The following TAC3 variants were observed in gnomAD, a reference collection of about 807,000 sequenced individuals.
TAC3 encodes tachykinin precursor 3.
TAC3 carries 9 observed loss-of-function variants against 16.5 expected under a neutral mutation model. That is an observed-to-expected ratio of 0.55 (90% confidence interval 0.33 to 0.95). The LOEUF is 0.95. Ranked by LOEUF, TAC3 falls within the 40% of genes least tolerant of loss-of-function variation. TAC3 has a pLI of 0.03. For missense variants in TAC3, 129 were observed against 149.1 expected, an observed-to-expected ratio of 0.87 and a Z score of 0.70; for synonymous variants, 52 against 56.7, an observed-to-expected ratio of 0.92 and a Z score of 0.37.
At position 57,012,864 on chromosome 12, in the gene TAC3, C is replaced by A; in HGVS notation, c.250G>T (p.Asp84Tyr). Residue 84 changes from aspartate (D) to tyrosine (Y), a missense_variant, in exon 5 of 7, where the codon GAC becomes TAC. Asp to Tyr is a radical substitution (Grantham distance 160). Coordinates refer to ENST00000458521, the MANE Select transcript of TAC3 (RefSeq NM_013251.4). Reference sequence around the variant, plus strand: ...TTGCCCATAAGTCCCACAAAGAAGTCATGCATGTCACCTGCAGAAAAGGGC... The same window carrying A: ...TTGCCCATAAGTCCCACAAAGAAGTAATGCATGTCACCTGCAGAAAAGGGC... ...STSPEKRDMH[D>Y]FFVGLMGKRS... The A allele has an allele frequency of 6.2e-7, 1 of 1,614,174 alleles. No individual in the cohort carries two copies. The highest frequency in any genetic ancestry group is 1.1e-5 in the South Asian group (1 of 91,068).
chr12:57,013,508 A>T, intron 3 of TAC3, 70 bp downstream of exon 3: 1 of 1,592,774 alleles, frequency 6.3e-7, no homozygotes, highest in Middle Eastern at 1.7e-4. Context: ...CCCATCTGAA[A>T]GGATCTCCCA....
chr12:57,012,659 T>C (rs746394113), intron 5 of TAC3, 163 bp downstream of exon 5: 1 of 1,613,074 alleles, frequency 6.2e-7, no homozygotes, highest in Non-Finnish European at 8.5e-7. Flanking sequence ...CAGGGAAGAC[T>C]TTCCTGTGGA....
Position 57,013,588 on chromosome 12 carries a change from C to G in TAC3, c.198G>C (p.Gln66His). 6.2e-7 allele frequency: 1 copy of G among 1,613,514 alleles called. No homozygotes were observed. Among genetic ancestry groups the G allele is most frequent in the South Asian group, 1.1e-5 (1 of 90,908 alleles). ...SLEGLLKALS[Q>H]ASTDPKESTS... ...AGGGCCGCCTCCTACCTGTGCTAGC[C>G]TGGCTCAGGGCTTTGAGCAATCCCT... Residue 66 changes from glutamine (Q) to histidine (H), a missense_variant, in exon 3 of 7, where the codon CAG becomes CAC. Physicochemically the swap from Gln to His is conservative, Grantham distance 24. Coordinates refer to ENST00000458521, the MANE Select transcript of TAC3 (RefSeq NM_013251.4).
At chr12:57,012,717 A>C (rs1311618760) in intron 5 of TAC3, 105 bp downstream of exon 5, 5 of 1,613,336 alleles carry the variant, frequency 3.1e-6, no homozygotes, top group Non-Finnish European at 4.2e-6. Flanking sequence ...ACTGAAGGTA[A>C]GAAAGGTCCT....
chr12:57,014,978 C>G (rs906976043), intron 2 of TAC3, among the ~76,000 whole-genome samples: 2 of 152,174 alleles, frequency 1.3e-5, no homozygotes, highest in Admixed American at 1.3e-4. Context: ...ATTTCAAAAC[C>G]TTGAAAAGAC....
intron 2 of TAC3, among the ~76,000 whole-genome samples, chr12:57,014,254 G>A (rs544487952): frequency 3.3e-5 from 5 of 150,372 alleles, no homozygotes; most frequent in South Asian, 4.2e-4. Flanking sequence ...AGCAACTTGC[G>A]TACAGCAGGG....
In TAC3 at chr12:57,013,664, G is replaced by A; in HGVS notation, c.122C>T (p.Pro41Leu). The A allele has an allele frequency of 6.2e-7, 1 of 1,612,212 alleles. No homozygotes were observed. Among genetic ancestry groups the A allele is most frequent in the Non-Finnish European group, 8.5e-7 (1 of 1,179,372 alleles). Residue 41 changes from proline (P) to leucine (L), a missense_variant, in exon 3 of 7, where the codon CCA becomes CTA. Pro to Leu is a moderately conservative substitution (Grantham distance 98, BLOSUM62 -3). Transcript: ENST00000458521. Reference sequence around the variant, plus strand: ...TCTCTGGAGCAGCTGGTAGAGATCTGGATCCCTCTAGGGAAGAAACAAAGA... The same window carrying A: ...TCTCTGGAGCAGCTGGTAGAGATCTAGATCCCTCTAGGGAAGAAACAAAGA... ...VPGGGRSKRDPDLYQLLQRLF... is the reference protein window; with the variant it reads ...VPGGGRSKRDLDLYQLLQRLF...
chr12:57,012,599 C>T, intron 5 of TAC3, 147 bp from the exon 6 acceptor site: 1 of 1,611,410 alleles, frequency 6.2e-7, no homozygotes, highest in Non-Finnish European at 8.5e-7. Flanking sequence ...CCTATCCTTC[C>T]TCCCAGCTGC....
At chr12:57,013,227 G>A (rs1353343554) in intron 4 of TAC3, 132 bp downstream of exon 4, 2 of 1,184,938 alleles carry the variant, frequency 1.7e-6, no homozygotes, top group African/African-American at 3.0e-5. Context: ...AGGAAAGGTT[G>A]GCTGAGCAGT....
chr12:57,013,521 C>G, intron 3 of TAC3, 57 bp downstream of exon 3: 1 of 1,594,622 alleles, frequency 6.3e-7, no homozygotes, highest in African/African-American at 1.3e-5. Context: ...ATCTCCCAGG[C>G]CTCTTATCTT....
chr12:57,012,662 C>A, intron 5 of TAC3, 160 bp downstream of exon 5: 1 of 1,613,066 alleles, frequency 6.2e-7, no homozygotes, highest in African/African-American at 1.3e-5. Flanking sequence ...GGAAGACTTT[C>A]CTGTGGATCC....
chr12:57,015,624 C>T, intron 2 of TAC3, 60 bp downstream of exon 2: 1 of 1,498,368 alleles, frequency 6.7e-7, no homozygotes. Flanking sequence ...TACAGCTGTC[C>T]AGACAGGCAG....
intron 6 of TAC3, 32 bp downstream of exon 6, chr12:57,012,346 C>T: frequency 1.3e-6 from 2 of 1,544,332 alleles, no homozygotes; most frequent in Non-Finnish European, 1.8e-6. Flanking sequence ...CCTCCCCAGT[C>T]CCCTCTCCCC....
intron 2 of TAC3, among the ~76,000 whole-genome samples, chr12:57,015,232 A>G (rs1414525045): frequency 6.6e-6 from 1 of 152,188 alleles, no homozygotes; most frequent in Non-Finnish European, 1.5e-5. Flanking sequence ...CATTTTGAAA[A>G]TAAAACAATA....
rs756673976 is a variant in TAC3, at chr12:57,015,735, A to G, written c.63T>C (p.Ala21=). Reference sequence around the variant, plus strand: ...CCTCCTCCTGTGGCTCCTTACAGACAGCCCCAAAGCTCTGAGCTAGGCTGA... The same window carrying G: ...CCTCCTCCTGTGGCTCCTTACAGACGGCCCCAAAGCTCTGAGCTAGGCTGA... ...LAFSLAQSFG[A]VCKEPQEEVV... is the part of the protein sequence containing the mutation. The change falls in exon 2 of 7, where the codon GCT becomes GCC. Residue 21 remains alanine (A), a synonymous_variant. Transcript: ENST00000458521. The G allele has an allele frequency of 1.2e-6, 2 of 1,614,050 alleles. No individual in the cohort carries two copies. Among genetic ancestry groups the G allele is most frequent in the South Asian group, 1.1e-5 (1 of 91,086 alleles).
In TAC3 at chr12:57,016,449, C is replaced by G. The variant is rs547991487; in HGVS notation, c.-68G>C. 3 of 454,344 alleles carry G rather than the reference C, an allele frequency of 6.6e-6. No individual in the cohort carries two copies. Among genetic ancestry groups the G allele is most frequent in the Non-Finnish European group, 1.3e-5 (3 of 226,774 alleles). The allele number at this position is 454,344 out of a possible 1,614,324, so 28.1% of individuals were successfully genotyped here. A position where few individuals can be genotyped will look rare whatever the true frequency, so the allele number is the denominator to read the frequency against. ...GCAGGATCAAGGAACTGGCTAGGAC[C>G]GCTGCCTGCTCCCCTCACACACTGG... On this transcript the variant is annotated 5_prime_UTR_variant, in exon 1 of 7. Coordinates refer to ENST00000458521, the MANE Select transcript of TAC3 (RefSeq NM_013251.4).
chr12:57,012,097 C>A, intron 6 of TAC3: 1 of 462,864 alleles, frequency 2.2e-6, no homozygotes, highest in Non-Finnish European at 4.0e-6. Context: ...AATTGCCCAT[C>A]GGGGAAGCCC....
At chr12:57,015,022 G>T (rs1184137408) in intron 2 of TAC3, among the ~76,000 whole-genome samples, 2 of 152,228 alleles carry the variant, frequency 1.3e-5, no homozygotes, top group Admixed American at 1.3e-4. Context: ...CCCCTACCCT[G>T]ACAATTCCTA....
chr12:57,013,006 C>T, intron 4 of TAC3, 131 bp from the exon 5 acceptor site: 1 of 1,187,478 alleles, frequency 8.4e-7, no homozygotes, highest in Non-Finnish European at 1.2e-6. Context: ...TGACTCCTCA[C>T]AGTTAGCAAG....
Sources: allele counts gnomAD v4.1 joint callset (sites outside exome capture counted in the v4.1 genomes callset), GRCh38; gene constraint gnomAD v4.1.1; transcripts MANE v1.5; gene names NCBI Gene and HGNC (gene_info 2026-07-23, HGNC 2026-07-21).